The following SLC35D1 variants were observed in gnomAD, a reference collection of about 807,000 sequenced individuals.
SLC35D1 encodes solute carrier family 35 member D1, also known as nucleotide sugar transporter SLC35D1.
SLC35D1 carries 31 observed loss-of-function variants against 46.7 expected under a neutral mutation model. That is an observed-to-expected ratio of 0.66 (90% CI 0.50 to 0.90). The LOEUF (loss-of-function observed/expected upper bound fraction) is 0.90. SLC35D1 is among the 40% of genes least tolerant of loss of function. The probability of loss-of-function intolerance (pLI) is 0.00; values close to 1 mark genes in which losing one functional copy is unlikely to be tolerated. For missense variants in SLC35D1, 397 were observed against 426.2 expected, an observed-to-expected ratio of 0.93 and a Z score of 0.60; for synonymous variants, 195 against 164.6, an observed-to-expected ratio of 1.18 and a Z score of -1.41.
chr1:66,986,092 C>G, the SLC35D1 span: 2 of 1,065,812 alleles, frequency 1.9e-6, no homozygotes, highest in Admixed American at 5.2e-5. Context: ...TTGGCACACA[C>G]AAGGAACAAC....
At chr1:67,037,935 C>G (rs935536094) in intron 8 of SLC35D1, among the ~76,000 whole-genome samples, 3 of 152,142 alleles carry the variant, frequency 2.0e-5, no homozygotes, top group African/African-American at 7.2e-5. Flanking sequence ...AGTGGTGCCA[C>G]CTATATAAAA....
rs767737815 is a variant in SLC35D1, at chr1:67,021,516, C to A, written c.797+19G>T. On this transcript the variant is annotated intron_variant, in intron 9 of 11. Transcript: ENST00000235345. Reference sequence around the variant, plus strand: ...TTTCTTTAGGAAAACTATCTGCTAACAAGGTAACAAAGGCTTACCCCATCA... The same window carrying A: ...TTTCTTTAGGAAAACTATCTGCTAAAAAGGTAACAAAGGCTTACCCCATCA... 2 of 1,613,126 alleles carry A rather than the reference C, an allele frequency of 1.2e-6. No homozygotes were observed. Among genetic ancestry groups the A allele is most frequent in the South Asian group, 2.2e-5 (2 of 91,066 alleles).
In SLC35D1 at chr1:67,042,436, T is replaced by G. The variant is rs1645200639; in HGVS notation, c.637-108A>C. 13 of 903,972 alleles carry G rather than the reference T, an allele frequency of 1.4e-5. No individual in the cohort carries two copies. The South Asian group carries it at 1.7e-4, about 12-fold the overall frequency. The allele number at this position is 903,972 out of a possible 1,614,324, so 56.0% of individuals were successfully genotyped here. On this transcript the variant is annotated intron_variant, in intron 7 of 11. Transcript: ENST00000235345. ...CATAAATACACAAACACACACACCC[T>G]CCCCTACAACATACACAGCAAATGA... is the stretch of plus-strand genomic sequence containing the variant.
Position 67,021,574 on chromosome 1 carries a change from G to GT in SLC35D1, c.757dup (p.Thr253AsnfsTer28). 1 of 1,613,950 alleles carries GT rather than the reference G, an allele frequency of 6.2e-7. No individual in the cohort carries two copies. Among genetic ancestry groups the GT allele is most frequent in the Non-Finnish European group, 8.5e-7 (1 of 1,179,890 alleles). On this transcript the variant is annotated frameshift_variant, in exon 9 of 12. Coordinates refer to ENST00000235345, the MANE Select transcript of SLC35D1 (RefSeq NM_015139.3). LOFTEE classifies it high-confidence loss of function. Reference sequence around the variant, plus strand: ...GAGGGTGAACTGCAGAAGAAAGAGGGTGTCAGCCCAGCCTTCAAACTCCAC... The same window carrying GT: ...GAGGGTGAACTGCAGAAGAAAGAGGGTTGTCAGCCCAGCCTTCAAACTCCAC...
the SLC35D1 span, among the ~76,000 whole-genome samples, chr1:66,976,200 C>G: frequency 6.6e-6 from 1 of 151,990 alleles, no homozygotes. Flanking sequence ...GATGGGGTTT[C>G]ACCATCTTGG....
At chr1:66,988,629 A>G in the SLC35D1 span, 3 of 152,366 alleles carry the variant, frequency 2.0e-5, no homozygotes, top group Non-Finnish European at 4.4e-5. Context: ...CTCTTGAGTA[A>G]GAAGTAATTT....
chr1:66,985,814 AT>A, the SLC35D1 span: 91,014 of 616,658 alleles, frequency 0.15, 247 homozygotes, highest in Non-Finnish European at 0.16. Flanking sequence ...GGATTATAAA[AT>A]TTTTTTTTTT....
chr1:67,023,682 C>T (rs181331691), intron 8 of SLC35D1, among the ~76,000 whole-genome samples: 103 of 151,542 alleles, frequency 6.8e-4, no homozygotes, highest in African/African-American at 2.5e-3. Flanking sequence ...GACAGGGTTT[C>T]ACCATGTTAG....
chr1:67,046,577 C>T (rs1040839011), intron 7 of SLC35D1, among the ~76,000 whole-genome samples: 11 of 152,126 alleles, frequency 7.2e-5, no homozygotes, highest in Non-Finnish European at 7.4e-5. Flanking sequence ...ATATCAAGGA[C>T]AATTCCTTCA....
chr1:67,004,294 T>C lies in SLC35D1; in HGVS notation c.*46A>G, dbSNP rs1218177618. ...CTGTAGGAACTGCCAGTGTTCTGAG[T>C]TGATTAAAAACTTAGGCCTACGTAT... is the stretch of plus-strand genomic sequence containing the variant. On this transcript the variant is annotated 3_prime_UTR_variant, in exon 12 of 12. Coordinates refer to ENST00000235345, the MANE Select transcript of SLC35D1 (RefSeq NM_015139.3). The C allele has an allele frequency of 2.0e-6, 3 of 1,522,154 alleles. No individual in the cohort carries two copies. Among genetic ancestry groups the C allele is most frequent in the African/African-American group, 1.4e-5 (1 of 73,064 alleles). The allele number at this position is 1,522,154 out of a possible 1,614,324, so 94.3% of individuals were successfully genotyped here. A position where few individuals can be genotyped will look rare whatever the true frequency, so the allele number is the denominator to read the frequency against.
chr1:67,008,362 C>T (rs1444142609), intron 11 of SLC35D1: 1 of 1,234,532 alleles, frequency 8.1e-7, no homozygotes, highest in African/African-American at 1.6e-5. Context: ...TGGTCTTGAT[C>T]TCTTGACCTT....
At chr1:66,996,378 G>A (rs907625178), downstream of SLC35D1, among the ~76,000 whole-genome samples, 2 of 152,228 alleles carry the variant, frequency 1.3e-5, no homozygotes, top group African/African-American at 2.4e-5. Context: ...AGTATAGAGC[G>A]GTGATGAGTT....
At chr1:66,990,212 G>GTGTT in the SLC35D1 span, among the ~76,000 whole-genome samples, 19 of 152,134 alleles carry the variant, frequency 1.2e-4, no homozygotes, top group Non-Finnish European at 2.6e-4. Flanking sequence ...TTTGCCTCTA[G>GTGTT]TGTTTAGTAG....
intron 8 of SLC35D1, among the ~76,000 whole-genome samples, chr1:67,030,016 T>A (rs1196991034): frequency 6.6e-6 from 1 of 152,142 alleles, no homozygotes; most frequent in Non-Finnish European, 1.5e-5. Flanking sequence ...TAAGTTTTTT[T>A]TTTTTTTCTT....
At chr1:66,994,502 G>C (rs959460454), downstream of SLC35D1, among the ~76,000 whole-genome samples, 1 of 152,090 alleles carries the variant, frequency 6.6e-6, no homozygotes, top group Non-Finnish European at 1.5e-5. Flanking sequence ...AAACTAGCCA[G>C]ACGTGGTGGC....
rs892269085 is a variant in SLC35D1 at position 67,032,184 on chromosome 1, G to A, written c.729+10052C>T. 5.7e-6 allele frequency: 4 copies of A among 704,042 alleles called. No individual in the cohort carries two copies. In the African/African-American group the frequency reaches 7.7e-5, roughly 14 times the overall value. 43.6% of individuals were successfully genotyped at this position (704,042 alleles called of 1,614,324 possible). ...GAATAAAGTCTTTAGCGCTACAGGTGCCAGTATAATGTAAATACCCCAGGA... is the reference window on the plus strand; with the variant it reads ...GAATAAAGTCTTTAGCGCTACAGGTACCAGTATAATGTAAATACCCCAGGA... On this transcript the variant is annotated intron_variant, in intron 8 of 11. Transcript: ENST00000235345.
At chr1:67,026,012 A>G (rs569622821) in intron 8 of SLC35D1, among the ~76,000 whole-genome samples, 10 of 152,166 alleles carry the variant, frequency 6.6e-5, no homozygotes, top group African/African-American at 2.2e-4. Flanking sequence ...TTTCAAATCT[A>G]TATTATACAG....
the SLC35D1 span, chr1:66,985,815 T>A: frequency 1.3e-5 from 1 of 76,310 alleles, no homozygotes; most frequent in South Asian, 3.0e-4. Context: ...GATTATAAAA[T>A]TTTTTTTTTT....
chr1:67,032,204 C>T (rs1344684734), intron 8 of SLC35D1: 2 of 483,358 alleles, frequency 4.1e-6, no homozygotes, highest in Non-Finnish European at 5.4e-6. Flanking sequence ...TGTAAATACC[C>T]CAGGAGTGAA....
Sources: gnomAD v4.1 joint callset for allele counts (sites outside exome capture counted in the v4.1 genomes callset) on GRCh38, gnomAD v4.1.1 for gene constraint, MANE v1.5 for transcripts, NCBI Gene and HGNC (gene_info 2026-07-23, HGNC 2026-07-21) for gene names.